Variants in KIF16B observed in about 807,000 individuals in gnomAD.
KIF16B encodes the protein kinesin family member 16B, also known as kinesin-like protein KIF16B.
Under a neutral mutation model 156.3 loss-of-function variants are expected in KIF16B, and 98 were observed. That is an observed-to-expected ratio of 0.63 (90% CI 0.53 to 0.74). The LOEUF (loss-of-function observed/expected upper bound fraction) is 0.74, where lower values mean the gene tolerates loss of function less well. Among genes scored for constraint, KIF16B ranks in the 30% least tolerant of loss-of-function variants. KIF16B has a pLI of 0.00. For synonymous variants in KIF16B, 564 were observed against 583.7 expected (o/e 0.97, Z 0.49); for missense variants, 1,421 against 1,606.5 (o/e 0.88, Z 1.97).
At chr20:16,438,275 T>G (rs1476536400) in intron 12 of KIF16B, among the ~76,000 whole-genome samples, 1 of 152,208 alleles carries the variant, frequency 6.6e-6, no homozygotes, top group Admixed American at 6.5e-5. Flanking sequence ...TCTGAAGTTT[T>G]GCTTTCCCCG....
intron 25 of KIF16B, among the ~76,000 whole-genome samples, chr20:16,277,146 A>G (rs1033301802): frequency 3.3e-5 from 5 of 152,190 alleles, no homozygotes; most frequent in Non-Finnish European, 7.3e-5. Context: ...TCTGGCTTCC[A>G]TGGCTTAATG....
intron 19 of KIF16B, among the ~76,000 whole-genome samples, chr20:16,377,759 C>T (rs1039574351): frequency 2.0e-5 from 3 of 152,188 alleles, no homozygotes; most frequent in African/African-American, 7.2e-5. Context: ...GTTGGCCTTT[C>T]TGTGAGTCTT....
chr20:16,508,358 C>G (rs549455364), intron 6 of KIF16B, among the ~76,000 whole-genome samples: 1 of 152,276 alleles, frequency 6.6e-6, no homozygotes, highest in South Asian at 2.1e-4. Context: ...GCCTCAGTTA[C>G]CTCACGTGAT....
At chr20:16,419,504 A>G (rs1248949889) in intron 15 of KIF16B, among the ~76,000 whole-genome samples, 1 of 152,170 alleles carries the variant, frequency 6.6e-6, no homozygotes, top group East Asian at 1.9e-4. Context: ...TCTGCAGACA[A>G]TCATCTGTTC....
At chr20:16,537,710 T>TG (rs1237301400) in intron 1 of KIF16B, among the ~76,000 whole-genome samples, 2 of 146,010 alleles carry the variant, frequency 1.4e-5, no homozygotes, top group African/African-American at 5.1e-5. Flanking sequence ...TTTCGTTTTT[T>TG]TTTTTTTTTT....
chr20:16,370,708 CA>C, intron 21 of KIF16B, 72 bp from the exon 22 acceptor site: 3 of 1,117,902 alleles, frequency 2.7e-6, no homozygotes, highest in South Asian at 1.5e-5. Context: ...GATTCGATTA[CA>C]AGTATTTATG....
chr20:16,377,467 C>G (rs1035983416), intron 19 of KIF16B, among the ~76,000 whole-genome samples: 32 of 151,116 alleles, frequency 2.1e-4, no homozygotes, highest in Admixed American at 2.0e-3. Context: ...ACCTGGGGTC[C>G]CAGCCACTTG....
At chr20:16,515,698 T>C (rs962808505) in intron 3 of KIF16B, 34 bp from the exon 4 acceptor site, 2 of 1,183,868 alleles carry the variant, frequency 1.7e-6, no homozygotes, top group East Asian at 2.3e-5. Flanking sequence ...AAAGATACAA[T>C]TATCATAGAT....
intron 1 of KIF16B, among the ~76,000 whole-genome samples, chr20:16,534,800 G>A (rs1224780249): frequency 6.6e-6 from 1 of 152,090 alleles, no homozygotes; most frequent in East Asian, 1.9e-4. Context: ...TCAAAGATCA[G>A]TTGAAAATAT....
At chr20:16,409,988 TATATGTAGGTAC>T (rs1436385653) in intron 15 of KIF16B, among the ~76,000 whole-genome samples, 18 of 121,336 alleles carry the variant, frequency 1.5e-4, no homozygotes, top group African/African-American at 3.5e-4. Flanking sequence ...TATATATATA[TATATGTAGGTAC>T]ATATATATAT....
At chr20:16,440,282 T>C (rs2066757162) in intron 12 of KIF16B, among the ~76,000 whole-genome samples, 2 of 152,070 alleles carry the variant, frequency 1.3e-5, no homozygotes, top group South Asian at 4.2e-4. Flanking sequence ...AAAGCAGCCC[T>C]TAAAACTCAA....
At chr20:16,398,716 T>C (rs1416977037) in intron 17 of KIF16B, among the ~76,000 whole-genome samples, 1 of 152,116 alleles carries the variant, frequency 6.6e-6, no homozygotes. Context: ...GGAAGAGTGC[T>C]AGGAGGACAA....
intron 17 of KIF16B, among the ~76,000 whole-genome samples, chr20:16,394,063 G>C (rs2065435056): frequency 6.6e-6 from 1 of 152,140 alleles, no homozygotes; most frequent in Non-Finnish European, 1.5e-5. Context: ...TACCATGTAG[G>C]ACTAGGAGGA....
Position 16,504,403 on chromosome 20 carries a change from C to G in KIF16B, c.1145G>C (p.Arg382Thr). 6.2e-7 allele frequency: 1 copy of G among 1,614,046 alleles called. No homozygotes were observed. The highest frequency in any genetic ancestry group is 1.1e-5 in the South Asian group (1 of 91,058). Residue 382 changes from arginine (R) to threonine (T), a missense_variant, in exon 10 of 26, where the codon AGA becomes ACA. Arg to Thr is a moderately conservative substitution (Grantham distance 71). Transcript: ENST00000354981. ...LIRELRAEIA[R>T]LKTLLAQGNQ... is the part of the protein sequence containing the mutation. Reference sequence around the variant, plus strand: ...CCCTTGAGCAAGCAGCGTTTTCAGTCTGGCTATTTCAGCTCGCAGCTCACG... The same window carrying G: ...CCCTTGAGCAAGCAGCGTTTTCAGTGTGGCTATTTCAGCTCGCAGCTCACG...
intron 7 of KIF16B, 27 bp from the exon 8 acceptor site, chr20:16,506,217 G>A: frequency 6.2e-7 from 1 of 1,601,766 alleles, no homozygotes; most frequent in South Asian, 1.1e-5. Flanking sequence ...AAGTAAAATT[G>A]AAGAGGTGCA....
At chr20:16,280,767 T>C (rs1244036440) in intron 25 of KIF16B, among the ~76,000 whole-genome samples, 1 of 152,150 alleles carries the variant, frequency 6.6e-6, no homozygotes. Context: ...TGGCCTTTCT[T>C]TGGGGCTGTC....
chr20:16,557,875 G>C (rs1205930851), intron 1 of KIF16B, among the ~76,000 whole-genome samples: 1 of 152,078 alleles, frequency 6.6e-6, no homozygotes, highest in Non-Finnish European at 1.5e-5. Flanking sequence ...TGAACACTTG[G>C]TACACGCCAA....
At chr20:16,539,177 A>G (rs1231533915) in intron 1 of KIF16B, among the ~76,000 whole-genome samples, 1 of 152,152 alleles carries the variant, frequency 6.6e-6, no homozygotes, top group Non-Finnish European at 1.5e-5. Context: ...GATACCTGAA[A>G]AGATGCACAC....
chr20:16,570,988 C>T (rs943130478), intron 1 of KIF16B, among the ~76,000 whole-genome samples: 1 of 152,216 alleles, frequency 6.6e-6, no homozygotes, highest in African/African-American at 2.4e-5. Flanking sequence ...TTCTGCTGAA[C>T]ATCTCTAGCA....
Sources: allele counts gnomAD v4.1 joint callset (sites outside exome capture counted in the v4.1 genomes callset), GRCh38; gene constraint gnomAD v4.1.1; transcripts MANE v1.5; gene names NCBI Gene and HGNC (gene_info 2026-07-23, HGNC 2026-07-21).